BRINP3: variants seen among roughly 807,000 people sequenced by gnomAD.
BRINP3 encodes BMP/retinoic acid-inducible neural-specific protein 3.
In BRINP3, 19 loss-of-function variants were observed where a neutral mutation model predicts 71.0. The ratio of observed to expected loss-of-function variants is 0.27; its 90% CI spans 0.19 to 0.39. BRINP3 has a LOEUF of 0.39. BRINP3 is among the 10% of genes least tolerant of loss of function. BRINP3 has a pLI of 1.00. For synonymous variants in BRINP3, 380 were observed against 337.7 expected (o/e 1.13, Z -1.37); for missense variants, 959 against 940.8 (o/e 1.02, Z -0.25).
intron 2 of BRINP3, among the ~76,000 whole-genome samples, chr1:190,447,342 G>T (rs1050323665): frequency 7.0e-6 from 1 of 142,976 alleles, no homozygotes; most frequent in African/African-American, 2.5e-5. Context: ...CAACATTTTT[G>T]AACATCTTAT....
intron 2 of BRINP3, among the ~76,000 whole-genome samples, chr1:190,406,068 C>A (rs1399082810): frequency 6.6e-6 from 1 of 152,160 alleles, no homozygotes; most frequent in Non-Finnish European, 1.5e-5. Flanking sequence ...TCATGCATTT[C>A]TTCAGTCTAG....
At chr1:190,211,510 T>A (rs557575736) in intron 6 of BRINP3, among the ~76,000 whole-genome samples, 1 of 152,210 alleles carries the variant, frequency 6.6e-6, no homozygotes, top group East Asian at 1.9e-4. Flanking sequence ...TATTTTGTTA[T>A]CTCATTCATC....
In BRINP3 at chr1:190,277,087, T is replaced by TTTTATATATATA. The variant is rs1290283215; in HGVS notation, c.427+4472_427+4473insTATATATATAAA. On this transcript the variant is annotated intron_variant, in intron 3 of 7. Coordinates refer to ENST00000367462, the MANE Select transcript of BRINP3 (RefSeq NM_199051.3). ...TTTGATCCTGAAATAAATTTTGGTT[T>TTTTATATATATA]TATATATATATATATATATATATAT... 4.4e-3 allele frequency among the ~76,000 whole-genome samples: 160 copies of TTTTATATATATA among 36,040 alleles called. 6 individuals carry two copies. The highest frequency in any genetic ancestry group is 8.4e-3 in the Non-Finnish European group (126 of 15,028). The allele number at this position is 36,040 out of a possible 152,430, so 23.6% of individuals were successfully genotyped here.
At chr1:190,314,661 A>C (rs1665760340) in intron 2 of BRINP3, among the ~76,000 whole-genome samples, 1 of 152,140 alleles carries the variant, frequency 6.6e-6, no homozygotes, top group Non-Finnish European at 1.5e-5. Flanking sequence ...TGACATATTG[A>C]TTTTAGCCCA....
At position 190,098,002 on chromosome 1, in the gene BRINP3, T is replaced by A; in HGVS notation, c.*16A>T. Reference sequence around the variant, plus strand: ...AAAACTCCTTCAAGATTTTGGGTTGTGCTTGACATTTATGGTTAACTACAT... The same window carrying A: ...AAAACTCCTTCAAGATTTTGGGTTGAGCTTGACATTTATGGTTAACTACAT... On this transcript the variant is annotated 3_prime_UTR_variant, in exon 8 of 8. Transcript: ENST00000367462. 6.3e-7 allele frequency: 1 copy of A among 1,584,196 alleles called. No individual in the cohort carries two copies. Among genetic ancestry groups the A allele is most frequent in the South Asian group, 1.2e-5 (1 of 86,878 alleles).
chr1:190,275,827 A>G (rs1662507151), intron 3 of BRINP3, among the ~76,000 whole-genome samples: 1 of 151,646 alleles, frequency 6.6e-6, no homozygotes, highest in Non-Finnish European at 1.5e-5. Flanking sequence ...GTTTATTCTT[A>G]TTATTTACAT....
At chr1:190,174,240 T>C (rs1197725692) in intron 6 of BRINP3, among the ~76,000 whole-genome samples, 1 of 152,164 alleles carries the variant, frequency 6.6e-6, no homozygotes. Context: ...GAACTTAGCT[T>C]CAAAGTGATA....
At chr1:190,262,911 G>GTA (rs1039414598) in intron 4 of BRINP3, among the ~76,000 whole-genome samples, 25 of 151,466 alleles carry the variant, frequency 1.7e-4, no homozygotes, top group African/African-American at 3.9e-4. Context: ...GTGTGTGTGT[G>GTA]TATATATATA....
At chr1:190,464,861 T>G (rs1676634663) in intron 1 of BRINP3, among the ~76,000 whole-genome samples, 1 of 152,038 alleles carries the variant, frequency 6.6e-6, no homozygotes, top group Non-Finnish European at 1.5e-5. Flanking sequence ...TTATTTTAGC[T>G]GATCAGGCAA....
intron 4 of BRINP3, among the ~76,000 whole-genome samples, chr1:190,245,502 C>T (rs753862631): frequency 1.6e-4 from 24 of 151,936 alleles, no homozygotes; most frequent in Non-Finnish European, 2.9e-4. Context: ...TGCAGTGCTG[C>T]CCACTCCCCC....
In BRINP3 at chr1:190,199,801, C is replaced by CA. The variant is rs112424725; in HGVS notation, c.961+26280dup. ...AAAAAAAAACAAAAACAAAAACAAA[C>CA]AAAAAAAAAACCTAACCATTTTTCT... On this transcript the variant is annotated intron_variant, in intron 6 of 7. Coordinates refer to ENST00000367462, the MANE Select transcript of BRINP3 (RefSeq NM_199051.3). Among the ~76,000 whole-genome samples the CA allele has an allele frequency of 8.6e-3, 1,191 of 138,458 alleles. 13 individuals are homozygous for CA. Among genetic ancestry groups the CA allele is most frequent in the African/African-American group, 0.029 (1,061 of 37,160 alleles). 90.8% of individuals were successfully genotyped at this position (138,458 alleles called of 152,430 possible).
Position 190,313,180 on chromosome 1 carries a change from C to CT in BRINP3, c.237-31431dup, listed in dbSNP as rs1331444823. ...AATTAAATATGATAGATAAAATTGGCTAACTACATAAATTCAGGGGATTGG... is the reference window on the plus strand; with the variant it reads ...AATTAAATATGATAGATAAAATTGGCTTAACTACATAAATTCAGGGGATTGG... On this transcript the variant is annotated intron_variant, in intron 2 of 7. Coordinates refer to ENST00000367462, the MANE Select transcript of BRINP3 (RefSeq NM_199051.3). 5.9e-5 allele frequency among the ~76,000 whole-genome samples: 9 copies of CT among 151,822 alleles called. No homozygotes were observed. The Admixed American group carries it at 5.9e-4, about 10-fold the overall frequency.
At position 190,160,900 on chromosome 1, in the gene BRINP3, G is replaced by A. The variant is rs371286556; in HGVS notation, c.962-10C>T. 9 of 1,568,122 alleles carry A rather than the reference G, an allele frequency of 5.7e-6. No homozygotes were observed. The Admixed American group carries it at 7.4e-5, about 13-fold the overall frequency. On this transcript the variant is annotated splice_polypyrimidine_tract_variant and intron_variant, in intron 6 of 7. Coordinates refer to ENST00000367462, the MANE Select transcript of BRINP3 (RefSeq NM_199051.3). ...AATAACTTGAATTCATCTGAAAAAT[G>A]TCAAAATTCAACACTTTAATTATGA...
chr1:190,230,993 G>A (rs918633608), intron 5 of BRINP3, among the ~76,000 whole-genome samples: 4 of 151,246 alleles, frequency 2.6e-5, no homozygotes, highest in Non-Finnish European at 5.9e-5. Context: ...TTATCATATA[G>A]TATAATGTAT....
At chr1:190,221,472 C>A (rs2102686149) in intron 6 of BRINP3, among the ~76,000 whole-genome samples, 1 of 151,648 alleles carries the variant, frequency 6.6e-6, no homozygotes, top group Non-Finnish European at 1.5e-5. Flanking sequence ...CAATGAAAAT[C>A]ACTTAATCAC....
intron 3 of BRINP3, among the ~76,000 whole-genome samples, chr1:190,272,961 T>C (rs915036268): frequency 4.6e-5 from 7 of 151,476 alleles, no homozygotes; most frequent in Non-Finnish European, 1.0e-4. Flanking sequence ...CCTTCAACTT[T>C]TATAAATCAT....
At chr1:190,221,206 A>T (rs917614255) in intron 6 of BRINP3, among the ~76,000 whole-genome samples, 3 of 152,166 alleles carry the variant, frequency 2.0e-5, no homozygotes, top group Admixed American at 6.6e-5. Flanking sequence ...CGACAGAGTG[A>T]GACTCCATCT....
chr1:190,323,177 A>G (rs1273370903), intron 2 of BRINP3, among the ~76,000 whole-genome samples: 2 of 152,060 alleles, frequency 1.3e-5, no homozygotes, highest in Admixed American at 1.3e-4. Flanking sequence ...TACCTGGTCT[A>G]GGTAGTGCAA....
intron 7 of BRINP3, among the ~76,000 whole-genome samples, chr1:190,152,963 T>C (rs1656547316): frequency 6.6e-6 from 1 of 152,042 alleles, no homozygotes; most frequent in South Asian, 2.1e-4. Context: ...ATTAAAAGAT[T>C]TATGAGTAGG....
Sources: gnomAD v4.1 joint callset for allele counts (sites outside exome capture counted in the v4.1 genomes callset) on GRCh38, gnomAD v4.1.1 for gene constraint, MANE v1.5 for transcripts, NCBI Gene and HGNC (gene_info 2026-07-23, HGNC 2026-07-21) for gene names.